The following HMGN2 variants were observed in gnomAD, a reference collection of about 807,000 sequenced individuals.
HMGN2 encodes the protein high mobility group nucleosomal binding domain 2.
In HMGN2, 2 loss-of-function variants were observed where a neutral mutation model predicts 16.9. The ratio of observed to expected loss-of-function variants is 0.12; its 90% CI spans 0.05 to 0.37. HMGN2 has a LOEUF of 0.37. HMGN2 is among the 10% of genes least tolerant of loss of function. The probability of loss-of-function intolerance (pLI) is 1.00; values close to 1 mark genes in which losing one functional copy is unlikely to be tolerated. For synonymous variants in HMGN2, 31 were observed against 34.9 expected (o/e 0.89, Z 0.39); for missense variants, 90 against 106.0 (o/e 0.85, Z 0.66).
intron 1 of HMGN2, among the ~76,000 whole-genome samples, chr1:26,473,013 C>T (rs2075583189): frequency 7.2e-6 from 1 of 138,396 alleles, no homozygotes; most frequent in South Asian, 2.4e-4. Flanking sequence ...CGGGGGAAAG[C>T]GCTGCCGCCA....
At chr1:26,475,021 T>C in intron 5 of HMGN2, 92 bp from the exon 6 acceptor site, 2 of 1,059,500 alleles carry the variant, frequency 1.9e-6, no homozygotes, top group South Asian at 1.3e-5. Flanking sequence ...ACCTGAACTT[T>C]GGCCTGGGAG....
At position 26,475,802 on chromosome 1, in the gene HMGN2, A is replaced by C. The variant is rs1421385613; in HGVS notation, c.*654A>C. 1 of 331,340 alleles carries C rather than the reference A, an allele frequency of 3.0e-6. No homozygotes were observed. Among genetic ancestry groups the C allele is most frequent in the Non-Finnish European group, 5.9e-6 (1 of 168,746 alleles). The allele number at this position is 331,340 out of a possible 1,614,324, so 20.5% of individuals were successfully genotyped here. A position where few individuals can be genotyped will look rare whatever the true frequency, so the allele number is the denominator to read the frequency against. ...CTTTCCCTGTTCAGAGCATCAGATG[A>C]AGACTTCATTGGGTTTTATAGTGGC... is the stretch of plus-strand genomic sequence containing the variant. On this transcript the variant is annotated 3_prime_UTR_variant, in exon 6 of 6. Transcript: ENST00000361427.
chr1:26,472,911 C>T (rs1341150151), intron 1 of HMGN2, among the ~76,000 whole-genome samples: 2 of 151,764 alleles, frequency 1.3e-5, no homozygotes, highest in Non-Finnish European at 1.5e-5. Flanking sequence ...CCCGTGCCCC[C>T]TCCCCCATCG....
intron 5 of HMGN2, 88 bp downstream of exon 5, chr1:26,474,755 T>A: frequency 1.4e-6 from 1 of 719,070 alleles, no homozygotes; most frequent in Non-Finnish European, 2.5e-6. Context: ...CTTGTATCAC[T>A]CCAAATGTAC....
Position 26,474,301 on chromosome 1 carries a change from G to A in HMGN2, c.141+166G>A, listed in dbSNP as rs912652695. Among the ~76,000 whole-genome samples the A allele has an allele frequency of 2.6e-5, 4 of 152,288 alleles. No homozygotes were observed. The East Asian group carries it at 7.7e-4, about 29-fold the overall frequency. On this transcript the variant is annotated intron_variant, in intron 4 of 5. Coordinates refer to ENST00000361427, the MANE Select transcript of HMGN2 (RefSeq NM_005517.4). ...CGTTGGTTTCCTGATCAAGAATTCT[G>A]TTGTTAGTTTATAGGAAAATCTGCA...
chr1:26,473,237 T>C (rs2075587151), intron 1 of HMGN2: 1 of 534,362 alleles, frequency 1.9e-6, no homozygotes, highest in Non-Finnish European at 3.3e-6. Flanking sequence ...TGCTCCTGCC[T>C]GTCGCGGTGG....
chr1:26,474,187 A>G, intron 4 of HMGN2, 52 bp downstream of exon 4: 1 of 1,367,608 alleles, frequency 7.3e-7, no homozygotes, highest in Non-Finnish European at 1.0e-6. Flanking sequence ...GACTGTCCTT[A>G]GTGCCTTAAC....
Position 26,472,489 on chromosome 1 carries a change from T to C in HMGN2, c.-124T>C, listed in dbSNP as rs1435877759. ...GGCTCCCAGCGCTATAAAAACTTTA[T>C]AAACCCCCCGGAGCCCGAGCAGTGT... On this transcript the variant is annotated 5_prime_UTR_variant, in exon 1 of 6. Transcript: ENST00000361427. The C allele has an allele frequency of 4.1e-6, 5 of 1,221,636 alleles. No homozygotes were observed. Among genetic ancestry groups the C allele is most frequent in the Non-Finnish European group, 5.8e-6 (5 of 866,682 alleles). 75.7% of individuals were successfully genotyped at this position (1,221,636 alleles called of 1,614,324 possible). A position where few individuals can be genotyped will look rare whatever the true frequency, so the allele number is the denominator to read the frequency against.
At position 26,472,555 on chromosome 1, in the gene HMGN2, G is replaced by A. The variant is rs2075576927; in HGVS notation, c.-58G>A. The A allele has an allele frequency of 1.3e-6, 2 of 1,533,748 alleles. No individual in the cohort carries two copies. Among genetic ancestry groups the A allele is most frequent in the South Asian group, 1.2e-5 (1 of 84,160 alleles). On this transcript the variant is annotated 5_prime_UTR_variant, in exon 1 of 6. Transcript: ENST00000361427. ...ACGACCCCCGGACCGACCAAAGCCC[G>A]CGCGCCGCTGCATCCCGCGTCCAGC...
Position 26,476,119 on chromosome 1 carries a change from C to A in HMGN2, c.*971C>A. The A allele has an allele frequency of 6.2e-6, 1 of 160,510 alleles. No homozygotes were observed. The highest frequency in any genetic ancestry group is 1.4e-5 in the Non-Finnish European group (1 of 73,330). The allele number at this position is 160,510 out of a possible 1,614,324, so 9.9% of individuals were successfully genotyped here. A position where few individuals can be genotyped will look rare whatever the true frequency, so the allele number is the denominator to read the frequency against. ...TAGTCAGCTTCCAAAACACACAGTG[C>A]TAGGTGCAGTTAGGAAGGATTCCAG... is the stretch of plus-strand genomic sequence containing the variant. On this transcript the variant is annotated 3_prime_UTR_variant, in exon 6 of 6. Transcript: ENST00000361427.
rs903007948 is a variant in HMGN2, at chr1:26,475,546, C to T, written c.*398C>T. On this transcript the variant is annotated 3_prime_UTR_variant, in exon 6 of 6. Transcript: ENST00000361427. ...TAGACTTAACTCCCTTAAGCCCAGA[C>T]ATCTGTTGAGACCTGACCCCTAGTC... 5 of 272,072 alleles carry T rather than the reference C, an allele frequency of 1.8e-5. No homozygotes were observed. The highest frequency in any genetic ancestry group is 2.9e-5 in the Non-Finnish European group (4 of 137,480). 16.9% of individuals were successfully genotyped at this position (272,072 alleles called of 1,614,324 possible).
chr1:26,472,579 G>A lies in HMGN2; in HGVS notation c.-34G>A, dbSNP rs2075577306. ...CGCGCGCCGCTGCATCCCGCGTCCA[G>A]CACCTACGTCCCGCTGCCGTCGCCG... On this transcript the variant is annotated 5_prime_UTR_variant, in exon 1 of 6. Transcript: ENST00000361427. 2.6e-6 allele frequency: 4 copies of A among 1,536,086 alleles called. No homozygotes were observed. The highest frequency in any genetic ancestry group is 1.2e-5 in the South Asian group (1 of 84,272).
At chr1:26,472,737 T>A in intron 1 of HMGN2, 110 bp downstream of exon 1, 1 of 979,918 alleles carries the variant, frequency 1.0e-6, no homozygotes, top group Non-Finnish European at 1.4e-6. Context: ...CAGCGCAGCC[T>A]CCCCGCGCGG....
chr1:26,475,065 A>G, intron 5 of HMGN2, 48 bp from the exon 6 acceptor site: 1 of 1,515,702 alleles, frequency 6.6e-7, no homozygotes, highest in Non-Finnish European at 9.1e-7. Flanking sequence ...GTGAACACAG[A>G]TAGTTTTGAA....
chr1:26,474,910 C>G, intron 5 of HMGN2: 1 of 609,908 alleles, frequency 1.6e-6, no homozygotes. Context: ...TTCTGGTGTT[C>G]TTCCTACCTC....
rs2075593131 is a variant in HMGN2, at chr1:26,474,094, C to T, written c.100C>T (p.Pro34Ser). 1 of 1,611,362 alleles carries T rather than the reference C, an allele frequency of 6.2e-7. No homozygotes were observed. The change falls in exon 4 of 6, where the codon CCT becomes TCT. Residue 34 changes from proline (P) to serine (S), a missense_variant. Pro to Ser is a moderately conservative substitution (Grantham distance 74). Transcript: ENST00000361427. ...RSARLSAKPAPPKPEPKPKKA... is the reference protein window; with the variant it reads ...RSARLSAKPASPKPEPKPKKA... ...TTCCTGCCAAAAAAAGAAACCTGCTCCTCCAAAGCCAGAGCCCAAGCCTAA... is the reference window on the plus strand; with the variant it reads ...TTCCTGCCAAAAAAAGAAACCTGCTTCTCCAAAGCCAGAGCCCAAGCCTAA...
At position 26,473,636 on chromosome 1, in the gene HMGN2, A is replaced by G. The variant is rs539209462; in HGVS notation, c.61-67A>G. 1.4e-4 allele frequency: 216 copies of G among 1,581,668 alleles called. 6 individuals carry two copies. In the South Asian group the frequency reaches 2.3e-3, roughly 17 times the overall value. Reference sequence around the variant, plus strand: ...AATTTACACTCCTATAATCTAGAGCAAATTGATACCAAACTTTCAAAGCGA... The same window carrying G: ...AATTTACACTCCTATAATCTAGAGCGAATTGATACCAAACTTTCAAAGCGA... On this transcript the variant is annotated intron_variant, in intron 2 of 5. Coordinates refer to ENST00000361427, the MANE Select transcript of HMGN2 (RefSeq NM_005517.4).
In HMGN2 at chr1:26,475,396, C is replaced by G. The variant is rs2075601212; in HGVS notation, c.*248C>G. The G allele has an allele frequency of 2.6e-5, 10 of 378,760 alleles. No individual in the cohort carries two copies. In the Admixed American group the frequency reaches 4.2e-4, roughly 16 times the overall value. 23.5% of individuals were successfully genotyped at this position (378,760 alleles called of 1,614,324 possible). A position where few individuals can be genotyped will look rare whatever the true frequency, so the allele number is the denominator to read the frequency against. On this transcript the variant is annotated 3_prime_UTR_variant, in exon 6 of 6. Transcript: ENST00000361427. ...TTCCCTTCTAGTTTTGAGAGACTTC[C>G]TCTTGGCTCCCAGGAGGAGGGATTC...
At position 26,476,222 on chromosome 1, in the gene HMGN2, GTT is replaced by G. The variant is rs372505251; in HGVS notation, c.*1076_*1077del. Among the ~76,000 whole-genome samples the G allele has an allele frequency of 6.6e-6, 1 of 152,194 alleles. No homozygotes were observed. Among genetic ancestry groups the G allele is most frequent in the African/African-American group, 2.4e-5 (1 of 41,442 alleles). ...TTGGTTATGCAGCATTCCCTGCAGT[GTT>G]TGTTTTTTGCATGACTCCGAATACA... is the stretch of plus-strand genomic sequence containing the variant. On this transcript the variant is annotated 3_prime_UTR_variant, in exon 6 of 6. Transcript: ENST00000361427.
Sources: allele counts gnomAD v4.1 joint callset (sites outside exome capture counted in the v4.1 genomes callset), GRCh38; gene constraint gnomAD v4.1.1; transcripts MANE v1.5; gene names NCBI Gene and HGNC (gene_info 2026-07-23, HGNC 2026-07-21).